The following BAZ1A variants were observed in gnomAD, a reference collection of about 807,000 sequenced individuals.
BAZ1A encodes bromodomain adjacent to zinc finger domain protein 1A.
In BAZ1A, 50 loss-of-function variants were observed where a neutral mutation model predicts 185.2. The ratio of observed to expected loss-of-function variants is 0.27; its 90% confidence interval spans 0.22 to 0.34. BAZ1A has a LOEUF of 0.34. Ranked by LOEUF, BAZ1A falls within the 10% of genes least tolerant of loss-of-function variation. The probability of loss-of-function intolerance (pLI) is 1.00; values close to 1 mark genes in which losing one functional copy is unlikely to be tolerated. For missense variants in BAZ1A, 1,356 were observed against 1,839.9 expected, an observed-to-expected ratio of 0.74 and a Z score of 4.81; for synonymous variants, 571 against 615.6, an observed-to-expected ratio of 0.93 and a Z score of 1.07.
intron 11 of BAZ1A, among the ~76,000 whole-genome samples, chr14:34,793,357 A>G (rs1170549144): frequency 6.6e-6 from 1 of 152,260 alleles, no homozygotes; most frequent in African/African-American, 2.4e-5. Context: ...TGTCTAAGTC[A>G]TAAATAAATG....
chr14:34,787,716 T>G (rs538138153), intron 12 of BAZ1A, among the ~76,000 whole-genome samples: 27 of 152,114 alleles, frequency 1.8e-4, no homozygotes, highest in Middle Eastern at 6.8e-3. Flanking sequence ...AAAAACACAA[T>G]AGGAAGATTT....
chr14:34,831,543 G>C (rs2042242393), intron 3 of BAZ1A, among the ~76,000 whole-genome samples: 1 of 152,182 alleles, frequency 6.6e-6, no homozygotes, highest in Admixed American at 6.5e-5. Flanking sequence ...CTCAGATTTA[G>C]CTGCACCTTG....
At chr14:34,802,704 CA>C in intron 7 of BAZ1A, 149 bp downstream of exon 7, 1 of 765,556 alleles carries the variant, frequency 1.3e-6, no homozygotes. Context: ...GAGCAGTTAT[CA>C]ACATATAGTA....
chr14:34,827,688 T>C (rs2042183564), intron 3 of BAZ1A, among the ~76,000 whole-genome samples: 1 of 150,338 alleles, frequency 6.7e-6, no homozygotes, highest in Non-Finnish European at 1.5e-5. Context: ...TGAGCCGAGA[T>C]TGCACCACTG....
intron 3 of BAZ1A, among the ~76,000 whole-genome samples, chr14:34,836,521 C>T (rs2042334760): frequency 6.6e-6 from 1 of 151,276 alleles, no homozygotes; most frequent in South Asian, 2.1e-4. Context: ...CCTGGGAAGA[C>T]CTACTTGAAA....
At chr14:34,768,722 T>C in intron 21 of BAZ1A, 1 of 429,646 alleles carries the variant, frequency 2.3e-6, no homozygotes, top group South Asian at 1.7e-5. Flanking sequence ...TTCCTCTCTC[T>C]TTTTCTTGTC....
At chr14:34,773,753 C>T (rs751517514) in intron 19 of BAZ1A, 27 bp from the exon 20 acceptor site, 23 of 1,608,856 alleles carry the variant, frequency 1.4e-5, no homozygotes, top group Non-Finnish European at 2.0e-5. Flanking sequence ...ACTTACTAAC[C>T]ATGAAAAATG....
chr14:34,785,491 C>A (rs1209513703), intron 14 of BAZ1A, among the ~76,000 whole-genome samples: 1 of 152,158 alleles, frequency 6.6e-6, no homozygotes, highest in Non-Finnish European at 1.5e-5. Context: ...TAGATTTAAA[C>A]TTCTGATACA....
intron 2 of BAZ1A, among the ~76,000 whole-genome samples, chr14:34,864,603 C>T (rs1461177153): frequency 6.6e-6 from 1 of 151,680 alleles, no homozygotes; most frequent in Admixed American, 6.6e-5. Context: ...GCCTCAGCCT[C>T]CTGAGTAGCT....
intron 8 of BAZ1A, 23 bp from the exon 9 acceptor site, chr14:34,800,413 G>C: frequency 6.6e-7 from 1 of 1,505,278 alleles, no homozygotes; most frequent in Admixed American, 2.5e-5. Flanking sequence ...ATCAAACTTA[G>C]AACTATATAT....
At chr14:34,790,026 T>C (rs1479108421) in intron 12 of BAZ1A, among the ~76,000 whole-genome samples, 1 of 152,218 alleles carries the variant, frequency 6.6e-6, no homozygotes, top group Non-Finnish European at 1.5e-5. Context: ...AAACAATGCG[T>C]AGTCTCTTAC....
At chr14:34,785,590 A>C (rs1340743952) in intron 14 of BAZ1A, among the ~76,000 whole-genome samples, 187 bp downstream of exon 14, 2 of 152,248 alleles carry the variant, frequency 1.3e-5, no homozygotes, top group Admixed American at 6.5e-5. Context: ...ACGTTTAAAA[A>C]TATTAGAAAA....
intron 21 of BAZ1A, among the ~76,000 whole-genome samples, chr14:34,768,953 T>C (rs575572674): frequency 2.8e-4 from 42 of 152,128 alleles, no homozygotes; most frequent in Non-Finnish European, 5.0e-4. Flanking sequence ...AGTCTACTTT[T>C]AGCAGTATGA....
chr14:34,774,481 TGAG>T lies in BAZ1A; in HGVS notation c.2840_2842del (p.Pro947del). Reference sequence around the variant, plus strand: ...ACTATATGTTGGTTTGCTATCAGGCTGAGGTTTGTCTGAAATAGTAATCAAATA... The same window carrying T: ...ACTATATGTTGGTTTGCTATCAGGCTGTTTGTCTGAAATAGTAATCAAATA... On this transcript the variant is annotated inframe_deletion, in exon 19 of 27. Coordinates refer to ENST00000360310, the MANE Select transcript of BAZ1A (RefSeq NM_013448.3). The T allele has an allele frequency of 6.3e-7, 1 of 1,581,354 alleles. No individual in the cohort carries two copies. The highest frequency in any genetic ancestry group is 8.6e-7 in the Non-Finnish European group (1 of 1,166,584).
intron 2 of BAZ1A, among the ~76,000 whole-genome samples, chr14:34,866,723 TAAAC>T (rs1348282094): frequency 1.3e-5 from 2 of 151,974 alleles, no homozygotes; most frequent in African/African-American, 2.4e-5. Flanking sequence ...TCTAATAACT[TAAAC>T]AATACTTAGT....
chr14:34,758,542 T>G, intron 25 of BAZ1A, 162 bp downstream of exon 25: 1 of 651,172 alleles, frequency 1.5e-6, no homozygotes, highest in South Asian at 2.2e-5. Flanking sequence ...ATCGCGCCAC[T>G]GCACTCCAGC....
chr14:34,816,080 C>CTTTTTTTT (rs35830800), intron 4 of BAZ1A, among the ~76,000 whole-genome samples: 37 of 79,420 alleles, frequency 4.7e-4, no homozygotes, highest in Admixed American at 6.6e-4. Flanking sequence ...TATTCCAGAC[C>CTTTTTTTT]TTTTTTTTTT....
intron 12 of BAZ1A, among the ~76,000 whole-genome samples, chr14:34,788,727 G>T (rs926138324): frequency 8.5e-5 from 13 of 152,176 alleles, no homozygotes; most frequent in African/African-American, 3.1e-4. Flanking sequence ...GAGATATGGA[G>T]ATGAGAATTC....
At chr14:34,822,739 T>C (rs1162969512) in intron 4 of BAZ1A, among the ~76,000 whole-genome samples, 1 of 152,220 alleles carries the variant, frequency 6.6e-6, no homozygotes, top group Non-Finnish European at 1.5e-5. Flanking sequence ...AAATTATGAC[T>C]GATTGCTCCT....
Sources: gnomAD v4.1 joint callset for allele counts (sites outside exome capture counted in the v4.1 genomes callset) on GRCh38, gnomAD v4.1.1 for gene constraint, MANE v1.5 for transcripts, NCBI Gene and HGNC (gene_info 2026-07-23, HGNC 2026-07-21) for gene names.